The following COL23A1 variants were observed in gnomAD, a reference collection of about 807,000 sequenced individuals.
COL23A1 encodes collagen alpha-1(XXIII) chain.
COL23A1 carries 97 observed loss-of-function variants against 99.3 expected under a neutral mutation model. That is an observed-to-expected ratio of 0.98 (90% CI 0.83 to 1.16). The LOEUF (loss-of-function observed/expected upper bound fraction) is 1.16. Ranked by LOEUF, COL23A1 falls within the 50% of genes most tolerant of loss-of-function variation. The pLI, the probability that COL23A1 is intolerant of heterozygous loss-of-function variation, is 0.00. For synonymous variants in COL23A1, 320 were observed against 308.2 expected (o/e 1.04, Z -0.40); for missense variants, 762 against 757.4 (o/e 1.01, Z -0.07).
chr5:178,455,952 T>C (rs965262406), intron 2 of COL23A1, among the ~76,000 whole-genome samples: 1 of 152,230 alleles, frequency 6.6e-6, no homozygotes, highest in Non-Finnish European at 1.5e-5. Context: ...GACAATTTTT[T>C]GAAAAGGAAA....
rs117578343 is a variant in COL23A1, at chr5:178,588,395, G to A, written c.294+1509C>T. 5.3e-4 allele frequency among the ~76,000 whole-genome samples: 81 copies of A among 152,318 alleles called. 1 individual carries two copies. In the East Asian group the frequency reaches 0.016, roughly 29 times the overall value. On this transcript the variant is annotated intron_variant, in intron 1 of 28. Coordinates refer to ENST00000390654, the MANE Select transcript of COL23A1 (RefSeq NM_173465.4). ...CTGATTTACTCAATCAGGGCTTGCGGTTTATTTTTAGCAAATAAGAGAGGC... is the reference window on the plus strand; with the variant it reads ...CTGATTTACTCAATCAGGGCTTGCGATTTATTTTTAGCAAATAAGAGAGGC...
In COL23A1 at chr5:178,387,241, C is replaced by T. The variant is rs1400912893; in HGVS notation, c.362-80322G>A. Reference sequence around the variant, plus strand: ...CACACAGCCTCACCGAGGAAAGCCACGTTCTGTAGCCTGGTGATCACCCCT... The same window carrying T: ...CACACAGCCTCACCGAGGAAAGCCATGTTCTGTAGCCTGGTGATCACCCCT... On this transcript the variant is annotated intron_variant, in intron 2 of 28. Coordinates refer to ENST00000390654, the MANE Select transcript of COL23A1 (RefSeq NM_173465.4). The surrounding 1 kb of genome is among the most constrained non-coding windows in gnomAD (Gnocchi z 4.7). 3.3e-5 allele frequency among the ~76,000 whole-genome samples: 5 copies of T among 152,164 alleles called. No homozygotes were observed. The highest frequency in any genetic ancestry group is 9.7e-5 in the African/African-American group (4 of 41,440).
chr5:178,383,008 C>A (rs1006660733), intron 2 of COL23A1, among the ~76,000 whole-genome samples: 1 of 152,064 alleles, frequency 6.6e-6, no homozygotes, highest in Non-Finnish European at 1.5e-5. Context: ...TCGGGGCTGG[C>A]TGGGCTCCTG....
At position 178,328,145 on chromosome 5, in the gene COL23A1, C is replaced by G. The variant is rs565894010; in HGVS notation, c.362-21226G>C. Among the ~76,000 whole-genome samples the G allele has an allele frequency of 3.6e-4, 55 of 152,280 alleles. 1 individual carries two copies. Among genetic ancestry groups the G allele is most frequent in the African/African-American group, 1.3e-3 (55 of 41,566 alleles). ...TGCGGAGGGCAGGGCGGCCCCTCTG[C>G]CCTTTGGCCAAGGGTTCCTCCTCTG... On this transcript the variant is annotated intron_variant, in intron 2 of 28. Coordinates refer to ENST00000390654, the MANE Select transcript of COL23A1 (RefSeq NM_173465.4).
In COL23A1 at chr5:178,256,933, A is replaced by G. The variant is rs1765333147; in HGVS notation, c.775-5T>C. On this transcript the variant is annotated splice_region_variant and splice_polypyrimidine_tract_variant and intron_variant, in intron 13 of 28. Transcript: ENST00000390654. ...CCCCATGCTCCCTGGCTCGCCCTGA[A>G]ACAGACACAGCTGCAGTGAGAGCAA... 1.2e-6 allele frequency: 2 copies of G among 1,613,272 alleles called. No individual in the cohort carries two copies. Among genetic ancestry groups the G allele is most frequent in the South Asian group, 2.2e-5 (2 of 90,968 alleles).
chr5:178,485,258 G>A (rs886151568), intron 2 of COL23A1, among the ~76,000 whole-genome samples: 2 of 150,238 alleles, frequency 1.3e-5, no homozygotes, highest in African/African-American at 4.9e-5. Context: ...GATCATTTGA[G>A]CTCAGGAGTT....
intron 2 of COL23A1, among the ~76,000 whole-genome samples, chr5:178,326,760 C>T (rs1434454399): frequency 6.6e-6 from 1 of 152,240 alleles, no homozygotes; most frequent in East Asian, 1.9e-4. Context: ...CGCTCTGTCA[C>T]CCAGGCTGGA....
At chr5:178,375,510 T>C (rs1763024648) in intron 2 of COL23A1, among the ~76,000 whole-genome samples, 1 of 152,188 alleles carries the variant, frequency 6.6e-6, no homozygotes, top group South Asian at 2.1e-4. Flanking sequence ...GAGTCGATGG[T>C]CTCACCTCAC....
chr5:178,512,559 G>A (rs998903460), intron 2 of COL23A1, among the ~76,000 whole-genome samples: 8 of 152,210 alleles, frequency 5.3e-5, no homozygotes, highest in African/African-American at 1.7e-4. Context: ...GTGTGCCACT[G>A]TGTGCCAGGA....
chr5:178,480,526 C>T (rs1408353719), intron 2 of COL23A1, among the ~76,000 whole-genome samples: 1 of 152,236 alleles, frequency 6.6e-6, no homozygotes, highest in African/African-American at 2.4e-5. Flanking sequence ...AAGCACCAGG[C>T]CTGTGAGCAT....
chr5:178,491,735 T>A (rs1757946190), intron 2 of COL23A1, among the ~76,000 whole-genome samples: 1 of 152,170 alleles, frequency 6.6e-6, no homozygotes, highest in African/African-American at 2.4e-5. Flanking sequence ...ATTTATATTT[T>A]AATTAATTAA....
chr5:178,324,682 C>T (rs1311552375), intron 2 of COL23A1, among the ~76,000 whole-genome samples: 5 of 152,202 alleles, frequency 3.3e-5, no homozygotes, highest in East Asian at 1.9e-4. Context: ...CCAGGTGGTC[C>T]GTGCCACAAG....
chr5:178,358,397 ATGTGTATG>A (rs1392240302), intron 2 of COL23A1, among the ~76,000 whole-genome samples: 9 of 124,616 alleles, frequency 7.2e-5, no homozygotes, highest in South Asian at 5.3e-4. Flanking sequence ...GTGTATGTGT[ATGTGTATG>A]TGTGTATGTG....
At chr5:178,461,748 G>C (rs1402957313) in intron 2 of COL23A1, among the ~76,000 whole-genome samples, 4 of 152,172 alleles carry the variant, frequency 2.6e-5, no homozygotes, top group African/African-American at 9.7e-5. Flanking sequence ...ATGAAGTCTT[G>C]GCAAGCACAC....
chr5:178,482,273 G>T (rs1163922699), intron 2 of COL23A1, among the ~76,000 whole-genome samples: 2 of 152,038 alleles, frequency 1.3e-5, no homozygotes, highest in Non-Finnish European at 2.9e-5. Flanking sequence ...AGCCTTAAAT[G>T]GGAATGAAGT....
chr5:178,357,905 AATGTGTGTGTATGTGT>A (rs1353613789), intron 2 of COL23A1, among the ~76,000 whole-genome samples: 3 of 104,786 alleles, frequency 2.9e-5, no homozygotes, highest in Admixed American at 2.1e-4. Flanking sequence ...ATGTGTGTCT[AATGTGTGTGTATGTGT>A]ATGTGTGTAT....
At chr5:178,344,304 A>G (rs1057060700) in intron 2 of COL23A1, among the ~76,000 whole-genome samples, 1 of 152,204 alleles carries the variant, frequency 6.6e-6, no homozygotes, top group Non-Finnish European at 1.5e-5. Flanking sequence ...CAGTTGTTAC[A>G]CTGTATTTTA....
At chr5:178,497,813 T>G (rs1004598930) in intron 2 of COL23A1, among the ~76,000 whole-genome samples, 1 of 152,058 alleles carries the variant, frequency 6.6e-6, no homozygotes, top group Admixed American at 6.6e-5. Flanking sequence ...TTACCAAGAA[T>G]GCAATTTTAT....
chr5:178,514,962 AACTTAT>A (rs1174148609), intron 2 of COL23A1, among the ~76,000 whole-genome samples: 1 of 152,236 alleles, frequency 6.6e-6, no homozygotes, highest in Non-Finnish European at 1.5e-5. Flanking sequence ...CTGAGGTTCC[AACTTAT>A]ATTTAGAGCT....
Sources: allele counts gnomAD v4.1 joint callset (sites outside exome capture counted in the v4.1 genomes callset), GRCh38; gene constraint gnomAD v4.1.1; non-coding constraint Gnocchi (gnomAD v3.1); transcripts MANE v1.5; gene names NCBI Gene and HGNC (gene_info 2026-07-23, HGNC 2026-07-21).